KANSL1L: variants seen among roughly 807,000 people sequenced by gnomAD.
The protein encoded by KANSL1L is KAT8 regulatory NSL complex subunit 1 like.
KANSL1L carries 25 observed loss-of-function variants against 108.6 expected under a neutral mutation model. The observed-to-expected ratio is 0.23, with a 90% CI of 0.17 to 0.32. The LOEUF is 0.32. Ranked by LOEUF, KANSL1L falls within the 10% of genes least tolerant of loss-of-function variation. KANSL1L has a pLI of 1.00. For synonymous variants in KANSL1L, 405 were observed against 395.1 expected, an observed-to-expected ratio of 1.03 and a Z score of -0.30; for missense variants, 1,137 against 1,125.7, an observed-to-expected ratio of 1.01 and a Z score of -0.14.
chr2:210,157,299 T>C (rs1426574047), intron 1 of KANSL1L, among the ~76,000 whole-genome samples: 1 of 152,116 alleles, frequency 6.6e-6, no homozygotes, highest in Non-Finnish European at 1.5e-5. Flanking sequence ...GTACTATGAA[T>C]ATAACCAAAC....
intron 8 of KANSL1L, among the ~76,000 whole-genome samples, chr2:210,035,797 AT>A (rs2094094568): frequency 6.6e-6 from 1 of 152,098 alleles, no homozygotes; most frequent in African/African-American, 2.4e-5. Context: ...AGATATTTGA[AT>A]ATATCATACT....
intron 1 of KANSL1L, among the ~76,000 whole-genome samples, chr2:210,156,250 A>AT (rs1000223644): frequency 8.6e-5 from 13 of 150,696 alleles, no homozygotes; most frequent in East Asian, 1.9e-4. Flanking sequence ...ACTGATAAAA[A>AT]TTTTTTTTTT....
chr2:210,076,274 T>C (rs2094541777), intron 5 of KANSL1L, among the ~76,000 whole-genome samples: 1 of 152,132 alleles, frequency 6.6e-6, no homozygotes, highest in African/African-American at 2.4e-5. Flanking sequence ...CATCGTCTCC[T>C]GGTTTCAAGT....
At chr2:210,098,003 A>T in intron 5 of KANSL1L, 83 bp downstream of exon 5, 1 of 1,234,574 alleles carries the variant, frequency 8.1e-7, no homozygotes, top group Non-Finnish European at 1.1e-6. Flanking sequence ...TAGCTATAAT[A>T]CTTAAAATAT....
At chr2:210,096,569 A>G (rs186029293) in intron 5 of KANSL1L, 8 of 984,562 alleles carry the variant, frequency 8.1e-6, no homozygotes, top group East Asian at 2.3e-4. Flanking sequence ...TTAGGTAAAC[A>G]AAGTATTATC....
At position 210,082,563 on chromosome 2, in the gene KANSL1L, G is replaced by A. The variant is rs1312799572; in HGVS notation, c.1551-6807C>T. 2.0e-5 allele frequency among the ~76,000 whole-genome samples: 3 copies of A among 152,070 alleles called. No homozygotes were observed. The East Asian group carries it at 5.8e-4, about 29-fold the overall frequency. On this transcript the variant is annotated intron_variant, in intron 5 of 14. Transcript: ENST00000281772. ...AGCTATACTTTATGGAAAAATAGACGAATACCAGCACATGCTAAACTAATG... is the reference window on the plus strand; with the variant it reads ...AGCTATACTTTATGGAAAAATAGACAAATACCAGCACATGCTAAACTAATG...
intron 5 of KANSL1L, among the ~76,000 whole-genome samples, chr2:210,092,411 C>T (rs2094700051): frequency 6.6e-6 from 1 of 152,170 alleles, no homozygotes; most frequent in African/African-American, 2.4e-5. Context: ...CTATGTCACA[C>T]ATTCTCTCTT....
chr2:210,139,395 C>A (rs1233959342), intron 2 of KANSL1L, among the ~76,000 whole-genome samples: 1 of 152,160 alleles, frequency 6.6e-6, no homozygotes, highest in Non-Finnish European at 1.5e-5. Context: ...ACTCAACATA[C>A]TGATTTAATT....
chr2:210,139,623 G>C (rs1310259867), intron 2 of KANSL1L, among the ~76,000 whole-genome samples: 2 of 151,844 alleles, frequency 1.3e-5, no homozygotes, highest in Non-Finnish European at 2.9e-5. Context: ...TCTCATTATA[G>C]TTTTAATTGG....
chr2:210,135,962 C>T (rs1047615239), intron 2 of KANSL1L, among the ~76,000 whole-genome samples: 2 of 149,242 alleles, frequency 1.3e-5, no homozygotes, highest in African/African-American at 2.6e-5. Flanking sequence ...CATATATGCA[C>T]ACATTCATGA....
chr2:210,140,867 T>C (rs756052058), intron 2 of KANSL1L, among the ~76,000 whole-genome samples: 11 of 152,188 alleles, frequency 7.2e-5, no homozygotes, highest in Non-Finnish European at 1.2e-4. Context: ...CATGGTTAAA[T>C]TTATTCCTAA....
intron 3 of KANSL1L, among the ~76,000 whole-genome samples, chr2:210,104,630 T>C (rs966619329): frequency 6.6e-6 from 1 of 152,236 alleles, no homozygotes; most frequent in African/African-American, 2.4e-5. Context: ...ACATTTCAGA[T>C]TGAAATCTAG....
At chr2:210,086,491 T>TAAAAAAAAAAAA (rs57685611) in intron 5 of KANSL1L, among the ~76,000 whole-genome samples, 2 of 141,112 alleles carry the variant, frequency 1.4e-5, no homozygotes, top group Non-Finnish European at 1.5e-5. Context: ...TTAATAAAGC[T>TAAAAAAAAAAAA]AAAAAAAAAA....
chr2:210,147,615 T>G (rs2095274605), intron 2 of KANSL1L, among the ~76,000 whole-genome samples: 1 of 152,194 alleles, frequency 6.6e-6, no homozygotes, highest in Admixed American at 6.5e-5. Flanking sequence ...TAGAATTCAC[T>G]CAACTTTTTG....
intron 5 of KANSL1L, among the ~76,000 whole-genome samples, chr2:210,085,920 T>C (rs2094633233): frequency 6.7e-6 from 1 of 149,532 alleles, no homozygotes; most frequent in South Asian, 2.1e-4. Flanking sequence ...AATTAAATAT[T>C]TATTAATAAT....
At chr2:210,147,296 C>T (rs915533632) in intron 2 of KANSL1L, among the ~76,000 whole-genome samples, 3 of 151,890 alleles carry the variant, frequency 2.0e-5, no homozygotes, top group Admixed American at 6.6e-5. Context: ...CTTGTCTCTA[C>T]AAAAAAATTT....
At chr2:210,093,493 T>A (rs1307287203) in intron 5 of KANSL1L, among the ~76,000 whole-genome samples, 1 of 152,026 alleles carries the variant, frequency 6.6e-6, no homozygotes, top group Non-Finnish European at 1.5e-5. Flanking sequence ...TTCAGCTTGA[T>A]TTTGCTGGAT....
chr2:210,095,971 G>A (rs999763887), intron 5 of KANSL1L, among the ~76,000 whole-genome samples: 1 of 152,042 alleles, frequency 6.6e-6, no homozygotes, highest in Non-Finnish European at 1.5e-5. Flanking sequence ...ATTAAAACAC[G>A]TATCAGCACA....
chr2:210,119,885 A>G (rs560036548), intron 3 of KANSL1L, among the ~76,000 whole-genome samples: 1 of 152,282 alleles, frequency 6.6e-6, no homozygotes, highest in South Asian at 2.1e-4. Flanking sequence ...AATCCTAAGC[A>G]AAAAGAACAA....
Sources: allele counts gnomAD v4.1 joint callset (sites outside exome capture counted in the v4.1 genomes callset), GRCh38; gene constraint gnomAD v4.1.1; transcripts MANE v1.5; gene names NCBI Gene and HGNC (gene_info 2026-07-23, HGNC 2026-07-21).